The following SCARB1 variants were observed in gnomAD, a reference collection of about 807,000 sequenced individuals.
SCARB1 encodes scavenger receptor class B member 1, also known as CD36 and LIMPII analogous 1.
SCARB1 carries 30 observed loss-of-function variants against 57.2 expected under a neutral mutation model. The ratio of observed to expected loss-of-function variants is 0.52; its 90% confidence interval spans 0.39 to 0.71. The LOEUF is 0.71. Ranked by LOEUF, SCARB1 falls within the 30% of genes least tolerant of loss-of-function variation. The probability of loss-of-function intolerance (pLI) is 0.00; values close to 1 mark genes in which losing one functional copy is unlikely to be tolerated. For missense variants in SCARB1, 543 were observed against 671.2 expected (o/e 0.81, Z 2.11); for synonymous variants, 249 against 268.3 (o/e 0.93, Z 0.70).
chr12:124,801,767 C>T (rs539263929), intron 7 of SCARB1, among the ~76,000 whole-genome samples: 16 of 151,848 alleles, frequency 1.1e-4, no homozygotes, highest in Non-Finnish European at 1.5e-4. Context: ...CCAGCCTGGA[C>T]AATAGTTTTC....
intron 1 of SCARB1, among the ~76,000 whole-genome samples, chr12:124,854,406 G>T (rs1213405201): frequency 6.6e-6 from 1 of 152,232 alleles, no homozygotes; most frequent in Non-Finnish European, 1.5e-5. Context: ...GGACCTGGCT[G>T]TGACTCCTAG....
chr12:124,805,122 G>A lies in SCARB1; in HGVS notation c.1009+2639C>T, dbSNP rs372872733. Among the ~76,000 whole-genome samples, 224 of 114,052 alleles carry A rather than the reference G, an allele frequency of 2.0e-3. 1 individual carries two copies. In the East Asian group the frequency reaches 0.097, roughly 50 times the overall value. The allele number at this position is 114,052 out of a possible 152,430, so 74.8% of individuals were successfully genotyped here. A position where few individuals can be genotyped will look rare whatever the true frequency, so the allele number is the denominator to read the frequency against. ...AGCAATGAGCACCAAGACAAGAAGA[G>A]GAAGACAAGAAGACCAAGACAAGAA... On this transcript the variant is annotated intron_variant, in intron 7 of 12. Transcript: ENST00000261693.
At position 124,812,654 on chromosome 12, in the gene SCARB1, A is replaced by G. The variant is rs1215524060; in HGVS notation, c.631-689T>C. ...CAGAAGCTGGTTTCTAATCCCAAAG[A>G]CATGCAAAGCACAAAGTGGTATGAG... On this transcript the variant is annotated intron_variant, in intron 4 of 12. Coordinates refer to ENST00000261693, the MANE Select transcript of SCARB1 (RefSeq NM_005505.5). The surrounding 1 kb of genome is among the most constrained non-coding windows in gnomAD (Gnocchi z 4.3). 6.6e-6 allele frequency among the ~76,000 whole-genome samples: 1 copy of G among 152,206 alleles called. No homozygotes were observed. The highest frequency in any genetic ancestry group is 6.5e-5 in the Admixed American group (1 of 15,278).
Position 124,807,037 on chromosome 12 carries a change from C to G in SCARB1, c.1009+724G>C, listed in dbSNP as rs1235828233. Among the ~76,000 whole-genome samples the G allele has an allele frequency of 6.6e-6, 1 of 151,904 alleles. No homozygotes were observed. Among genetic ancestry groups the G allele is most frequent in the Non-Finnish European group, 1.5e-5 (1 of 67,976 alleles). ...AACATGGTGAAACCCCCATCTCTAC[C>G]AAAAATACAAAAAATTAGCCAGGTG... is the stretch of plus-strand genomic sequence containing the variant. On this transcript the variant is annotated intron_variant, in intron 7 of 12. Coordinates refer to ENST00000261693, the MANE Select transcript of SCARB1 (RefSeq NM_005505.5). This position sits in a 1 kb window ranked among gnomAD's most constrained non-coding sequence, Gnocchi z 5.3.
At chr12:124,818,221 A>G (rs1758206959) in intron 1 of SCARB1, among the ~76,000 whole-genome samples, 1 of 152,238 alleles carries the variant, frequency 6.6e-6, no homozygotes, top group Admixed American at 6.5e-5. Flanking sequence ...GAGGAAAGGC[A>G]GGCACCAAAC....
chr12:124,795,104 G>T, intron 9 of SCARB1, 91 bp downstream of exon 9: 1 of 1,073,946 alleles, frequency 9.3e-7, no homozygotes. Flanking sequence ...CCTGGTTCCT[G>T]GGGTATGTCA....
Position 124,863,019 on chromosome 12 carries a change from G to C in SCARB1, c.126+576C>G, listed in dbSNP as rs75026147. ...GGCAGTGAGCAGGGAGAACAGAGTC[G>C]CGCATTCTGCCTCTGGGAGAGGGTT... On this transcript the variant is annotated intron_variant, in intron 1 of 12. Transcript: ENST00000261693. 8.8e-3 allele frequency among the ~76,000 whole-genome samples: 1,340 copies of C among 152,314 alleles called. 21 individuals carry two copies. Among genetic ancestry groups the C allele is most frequent in the African/African-American group, 0.031 (1,284 of 41,568 alleles).
At chr12:124,779,618 G>A (rs1873037559) in intron 12 of SCARB1, among the ~76,000 whole-genome samples, 2 of 152,248 alleles carry the variant, frequency 1.3e-5, no homozygotes, top group South Asian at 4.1e-4. Flanking sequence ...TAGTTTGACA[G>A]TTGTAGAAAA....
chr12:124,811,936 C>G lies in SCARB1; in HGVS notation c.660G>C (p.Thr220=). The change falls in exon 5 of 13, where the codon ACG becomes ACC. Residue 220 remains threonine, a synonymous_variant. Coordinates refer to ENST00000261693, the MANE Select transcript of SCARB1 (RefSeq NM_005505.5). ...ELNNSDSGLF[T]VFTGVQNISR... ...TGATGTTCTGGACCCCCGTGAACAC[C>G]GTGAAGAGCCCAGAGTCGGAGTTGT... The G allele has an allele frequency of 6.2e-7, 1 of 1,613,272 alleles. No homozygotes were observed. Among genetic ancestry groups the G allele is most frequent in the Middle Eastern group, 1.6e-4 (1 of 6,062 alleles).
chr12:124,806,224 G>T (rs1350121815), intron 7 of SCARB1, among the ~76,000 whole-genome samples: 3 of 152,082 alleles, frequency 2.0e-5, no homozygotes, highest in Non-Finnish European at 4.4e-5. Flanking sequence ...TGGGGAGCAA[G>T]AGAGAGGAAG....
In SCARB1 at chr12:124,786,515, G is replaced by C; in HGVS notation, c.1255-12C>G. ...TCCATGGCCCCGCTCTGAGGAGACAGAATGACAAACACATGAGCTGGGGCC... is the reference window on the plus strand; with the variant it reads ...TCCATGGCCCCGCTCTGAGGAGACACAATGACAAACACATGAGCTGGGGCC... On this transcript the variant is annotated splice_polypyrimidine_tract_variant and intron_variant, in intron 10 of 12. Transcript: ENST00000261693. The C allele has an allele frequency of 6.2e-7, 1 of 1,613,904 alleles. No homozygotes were observed.
chr12:124,815,981 G>A (rs532439356), intron 2 of SCARB1, among the ~76,000 whole-genome samples: 8 of 152,226 alleles, frequency 5.3e-5, no homozygotes, highest in Admixed American at 1.3e-4. Flanking sequence ...CTCAGGCCTC[G>A]TCTCTCCACT....
In SCARB1 at chr12:124,799,822, C is replaced by T. The variant is rs145939955; in HGVS notation, c.1128+302G>A. Among the ~76,000 whole-genome samples the T allele has an allele frequency of 1.7e-3, 257 of 152,286 alleles. 2 individuals carry two copies. The highest frequency in any genetic ancestry group is 5.5e-3 in the African/African-American group (230 of 41,558). On this transcript the variant is annotated intron_variant, in intron 8 of 12. Transcript: ENST00000261693. ...TGGTACCTAAAGATCTTTATGGTAT[C>T]TTGACACATCCAGAGGGCTGCCTCC...
At chr12:124,827,125 C>T (rs919402018) in intron 1 of SCARB1, among the ~76,000 whole-genome samples, 5 of 152,146 alleles carry the variant, frequency 3.3e-5, no homozygotes, top group Admixed American at 6.5e-5. Context: ...AAGTCACAGA[C>T]AAAACTCCTC....
rs979553129 is a variant in SCARB1 at position 124,807,157 on chromosome 12, C to T, written c.1009+604G>A. Among the ~76,000 whole-genome samples, 6 of 151,932 alleles carry T rather than the reference C, an allele frequency of 3.9e-5. No individual in the cohort carries two copies. Among genetic ancestry groups the T allele is most frequent in the East Asian group, 1.9e-4 (1 of 5,184 alleles). ...CGGAGGTTGCAGTGAGCTGAAATGGCGCCACTGCACTCCAACCTGGGTAAC... is the reference window on the plus strand; with the variant it reads ...CGGAGGTTGCAGTGAGCTGAAATGGTGCCACTGCACTCCAACCTGGGTAAC... On this transcript the variant is annotated intron_variant, in intron 7 of 12. Coordinates refer to ENST00000261693, the MANE Select transcript of SCARB1 (RefSeq NM_005505.5). This position sits in a 1 kb window ranked among gnomAD's most constrained non-coding sequence, Gnocchi z 5.3.
intron 2 of SCARB1, 119 bp from the exon 3 acceptor site, chr12:124,815,233 C>T (rs1950665257): frequency 8.7e-7 from 1 of 1,147,730 alleles, no homozygotes; most frequent in Non-Finnish European, 1.3e-6. Flanking sequence ...ACACCTCCGG[C>T]CCCACAGCCA....
At chr12:124,786,603 T>TC in intron 10 of SCARB1, 100 bp from the exon 11 acceptor site, 1 of 1,558,096 alleles carries the variant, frequency 6.4e-7, no homozygotes, top group Non-Finnish European at 8.6e-7. Context: ...CCTCAGCTTT[T>TC]CCCCACCTCA....
intron 1 of SCARB1, among the ~76,000 whole-genome samples, chr12:124,858,651 G>A (rs1282826519): frequency 4.6e-5 from 7 of 151,892 alleles, no homozygotes; most frequent in Admixed American, 2.0e-4. Flanking sequence ...AGGCCGAGAC[G>A]GGCGGATCAC....
Position 124,810,385 on chromosome 12 carries a change from C to A in SCARB1, c.727-96G>T. 1.2e-6 allele frequency: 1 copy of A among 820,908 alleles called. No individual in the cohort carries two copies. Among genetic ancestry groups the A allele is most frequent in the South Asian group, 1.4e-5 (1 of 71,476 alleles). 50.9% of individuals were successfully genotyped at this position (820,908 alleles called of 1,614,324 possible). A position where few individuals can be genotyped will look rare whatever the true frequency, so the allele number is the denominator to read the frequency against. ...CACACCTAACTCACCCTGGTGCACG[C>A]ACGGCCACTCAATTCCCAATACTGG... On this transcript the variant is annotated intron_variant, in intron 5 of 12. Coordinates refer to ENST00000261693, the MANE Select transcript of SCARB1 (RefSeq NM_005505.5). This position sits in a 1 kb window ranked among gnomAD's most constrained non-coding sequence, Gnocchi z 4.0.
Sources: allele counts gnomAD v4.1 joint callset (sites outside exome capture counted in the v4.1 genomes callset), GRCh38; gene constraint gnomAD v4.1.1; non-coding constraint Gnocchi (gnomAD v3.1); transcripts MANE v1.5; gene names NCBI Gene and HGNC (gene_info 2026-07-23, HGNC 2026-07-21).